Variants in C12orf54 observed in about 807,000 individuals in gnomAD.
C12orf54 encodes the protein uncharacterized protein C12orf54.
C12orf54 carries 24 observed loss-of-function variants against 26.4 expected under a neutral mutation model. The ratio of observed to expected loss-of-function variants is 0.91; its 90% confidence interval spans 0.66 to 1.28. The LOEUF (loss-of-function observed/expected upper bound fraction) is 1.28, where lower values mean the gene tolerates loss of function less well. Among genes scored for constraint, C12orf54 ranks in the 50% most tolerant of loss-of-function variants. The probability of loss-of-function intolerance (pLI) is 0.00; values close to 1 mark genes in which losing one functional copy is unlikely to be tolerated. For synonymous variants in C12orf54, 54 were observed against 47.0 expected (o/e 1.15, Z -0.61); for missense variants, 154 against 150.9 (o/e 1.02, Z -0.11).
the C12orf54 span, among the ~76,000 whole-genome samples, chr12:48,434,929 G>C: frequency 6.6e-6 from 1 of 152,198 alleles, no homozygotes; most frequent in South Asian, 2.1e-4. Flanking sequence ...TTGACGAGTT[G>C]AGAGAAGAAA....
the C12orf54 span, among the ~76,000 whole-genome samples, chr12:48,430,771 A>G: frequency 6.6e-6 from 1 of 152,252 alleles, no homozygotes; most frequent in African/African-American, 2.4e-5. Flanking sequence ...TGGAACTACC[A>G]TTTGATTCAG....
chr12:48,422,801 T>C, the C12orf54 span, among the ~76,000 whole-genome samples: 24 of 152,166 alleles, frequency 1.6e-4, no homozygotes, highest in Non-Finnish European at 3.4e-4. Context: ...GAATCCTATT[T>C]TTTCATGATT....
At chr12:48,472,045 A>G in the C12orf54 span, among the ~76,000 whole-genome samples, 6 of 152,284 alleles carry the variant, frequency 3.9e-5, no homozygotes, top group South Asian at 1.2e-3. Flanking sequence ...TTCTCCTTGT[A>G]GAAATTTTTC....
the C12orf54 span, among the ~76,000 whole-genome samples, chr12:48,451,869 T>C: frequency 6.6e-6 from 1 of 152,218 alleles, no homozygotes; most frequent in African/African-American, 2.4e-5. Flanking sequence ...TCCATGTTTA[T>C]GAATAGGAAG....
the C12orf54 span, chr12:48,443,011 C>T: frequency 3.9e-5 from 6 of 152,278 alleles, no homozygotes; most frequent in African/African-American, 1.4e-4. Flanking sequence ...TTATGCCTAA[C>T]AAATATTTAA....
the C12orf54 span, among the ~76,000 whole-genome samples, chr12:48,445,302 A>G: frequency 1.8e-3 from 278 of 151,406 alleles, no homozygotes; most frequent in Non-Finnish European, 3.4e-3. Flanking sequence ...AGGATTTTAG[A>G]CTCCCTGGGC....
the C12orf54 span, among the ~76,000 whole-genome samples, chr12:48,459,358 C>G: frequency 6.6e-6 from 1 of 151,958 alleles, no homozygotes; most frequent in Non-Finnish European, 1.5e-5. Context: ...TTTGGGCCAA[C>G]GGAAAGTGAG....
chr12:48,486,768 G>T, intron 4 of C12orf54, 42 bp downstream of exon 4: 1 of 1,570,326 alleles, frequency 6.4e-7, no homozygotes, highest in Non-Finnish European at 8.8e-7. Flanking sequence ...GGCATGAGGT[G>T]GGAGGTGGGG....
the C12orf54 span, among the ~76,000 whole-genome samples, chr12:48,448,276 C>A: frequency 4.6e-5 from 7 of 152,112 alleles, no homozygotes; most frequent in African/African-American, 1.4e-4. Flanking sequence ...TGTTACACAG[C>A]AGTAGAAAAT....
upstream of C12orf54, among the ~76,000 whole-genome samples, chr12:48,478,565 T>C (rs1368845469): frequency 6.6e-6 from 1 of 152,052 alleles, no homozygotes; most frequent in African/African-American, 2.4e-5. Flanking sequence ...GGATACAAAA[T>C]CAATGTACAA....
chr12:48,414,064 C>T, the C12orf54 span, among the ~76,000 whole-genome samples: 1 of 152,220 alleles, frequency 6.6e-6, no homozygotes, highest in African/African-American at 2.4e-5. Flanking sequence ...AAAGGACAAA[C>T]AATTACAGAT....
chr12:48,440,341 C>T, the C12orf54 span, among the ~76,000 whole-genome samples: 2 of 152,250 alleles, frequency 1.3e-5, no homozygotes, highest in East Asian at 3.9e-4. Flanking sequence ...CACTTGCCAG[C>T]TTGTAAATAA....
At chr12:48,446,019 G>C in the C12orf54 span, among the ~76,000 whole-genome samples, 1 of 152,188 alleles carries the variant, frequency 6.6e-6, no homozygotes, top group East Asian at 1.9e-4. Flanking sequence ...GGAAGTAGTA[G>C]AAACAGAGGG....
chr12:48,435,900 AAAT>A, the C12orf54 span, among the ~76,000 whole-genome samples: 7 of 152,166 alleles, frequency 4.6e-5, no homozygotes, highest in Non-Finnish European at 1.0e-4. Flanking sequence ...TCAAATTCAC[AAAT>A]AATAATAATA....
the C12orf54 span, among the ~76,000 whole-genome samples, chr12:48,448,883 C>A: frequency 6.6e-6 from 1 of 152,168 alleles, no homozygotes; most frequent in Non-Finnish European, 1.5e-5. Flanking sequence ...TGGTCAGGTG[C>A]AGCTTGGTTT....
At chr12:48,455,680 TG>T in the C12orf54 span, among the ~76,000 whole-genome samples, 1 of 152,202 alleles carries the variant, frequency 6.6e-6, no homozygotes, top group Non-Finnish European at 1.5e-5. Context: ...AGCTCCAACA[TG>T]ATTGTACAGA....
intron 6 of C12orf54, 77 bp downstream of exon 6, chr12:48,490,913 T>C (rs1937776339): frequency 6.5e-7 from 1 of 1,533,700 alleles, no homozygotes; most frequent in Non-Finnish European, 9.0e-7. Flanking sequence ...TTGTATCCAT[T>C]TGCCATACAA....
chr12:48,486,702 C>A lies in C12orf54; in HGVS notation c.111C>A (p.Thr37=), dbSNP rs2137088643. Residue 37 remains threonine, a synonymous_variant, in exon 4 of 9, where the codon ACC becomes ACA. Coordinates refer to ENST00000548364, the MANE Select transcript of C12orf54 (RefSeq NM_152319.4). The part of the protein sequence containing the change: ...ETMRPQEKQV[T]ITETLWDQVL... The stretch of plus-strand genomic sequence containing the variant: ...TATTTCTACAGGAAAAACAGGTAAC[C>A]ATCACTGAAACCCTGTGGGACCAGG... The A allele has an allele frequency of 1.2e-6, 2 of 1,613,186 alleles. No homozygotes were observed.
the C12orf54 span, among the ~76,000 whole-genome samples, chr12:48,439,735 C>T: frequency 1.3e-5 from 2 of 151,812 alleles, no homozygotes; most frequent in African/African-American, 2.4e-5. Context: ...CATCACACAC[C>T]GGGGCCTGTT....
Sources: gnomAD v4.1 joint callset for allele counts (sites outside exome capture counted in the v4.1 genomes callset) on GRCh38, gnomAD v4.1.1 for gene constraint, MANE v1.5 for transcripts, NCBI Gene and HGNC (gene_info 2026-07-23, HGNC 2026-07-21) for gene names.